The following PEX5L variants were observed in gnomAD, a reference collection of about 807,000 sequenced individuals.
PEX5L encodes the protein peroxisomal biogenesis factor 5 like.
In PEX5L, 30 loss-of-function variants were observed where a neutral mutation model predicts 84.0. The ratio of observed to expected loss-of-function variants is 0.36; its 90% CI spans 0.27 to 0.48. The LOEUF (loss-of-function observed/expected upper bound fraction) is 0.48. Among genes scored for constraint, PEX5L ranks in the 20% least tolerant of loss-of-function variants. The probability of loss-of-function intolerance (pLI) is 0.99; values close to 1 mark genes in which losing one functional copy is unlikely to be tolerated. For missense variants in PEX5L, 533 were observed against 754.6 expected (o/e 0.71, Z 3.44); for synonymous variants, 270 against 283.1 (o/e 0.95, Z 0.46).
At chr3:179,952,571 A>T (rs1312892150) in intron 2 of PEX5L, among the ~76,000 whole-genome samples, 1 of 152,212 alleles carries the variant, frequency 6.6e-6, no homozygotes. Context: ...TTTAGGGAGA[A>T]CCATAAACTA....
At chr3:179,965,027 A>T (rs1782991087) in intron 2 of PEX5L, among the ~76,000 whole-genome samples, 1 of 152,194 alleles carries the variant, frequency 6.6e-6, no homozygotes, top group Non-Finnish European at 1.5e-5. Flanking sequence ...GACTGTAAAG[A>T]CCTTGCTCTT....
intron 8 of PEX5L, among the ~76,000 whole-genome samples, chr3:179,832,577 AACCT>A (rs1389666934): frequency 3.9e-5 from 4 of 102,078 alleles, no homozygotes; most frequent in Admixed American, 1.0e-4. Context: ...CCTACCCACC[AACCT>A]ACCTACTTAC....
At chr3:180,008,128 C>T (rs1262107418) in intron 1 of PEX5L, among the ~76,000 whole-genome samples, 2 of 152,182 alleles carry the variant, frequency 1.3e-5, no homozygotes, top group African/African-American at 4.8e-5. Context: ...TTTAACAGAA[C>T]CCAAGTTACC....
intron 2 of PEX5L, among the ~76,000 whole-genome samples, chr3:179,927,688 C>A (rs1053719527): frequency 6.6e-6 from 1 of 152,060 alleles, no homozygotes; most frequent in Non-Finnish European, 1.5e-5. Context: ...AATCATCAAT[C>A]TGCAAGGAAT....
At chr3:179,904,424 T>C (rs1184938267) in intron 2 of PEX5L, among the ~76,000 whole-genome samples, 1 of 152,150 alleles carries the variant, frequency 6.6e-6, no homozygotes, top group African/African-American at 2.4e-5. Context: ...GAGAAAGTCA[T>C]GGATACCAAT....
At chr3:179,903,537 T>C (rs1364931992) in intron 2 of PEX5L, among the ~76,000 whole-genome samples, 1 of 152,160 alleles carries the variant, frequency 6.6e-6, no homozygotes, top group African/African-American at 2.4e-5. Flanking sequence ...GCACGGTCTT[T>C]AGTTTTGCAT....
At chr3:179,826,213 CAG>C (rs1218689578) in intron 8 of PEX5L, among the ~76,000 whole-genome samples, 3 of 152,164 alleles carry the variant, frequency 2.0e-5, no homozygotes, top group African/African-American at 7.2e-5. Flanking sequence ...CCATTTCTAA[CAG>C]AGGAAATCCT....
intron 3 of PEX5L, among the ~76,000 whole-genome samples, chr3:179,894,650 A>AAT (rs1294825078): frequency 6.6e-6 from 1 of 152,182 alleles, no homozygotes; most frequent in Non-Finnish European, 1.5e-5. Flanking sequence ...ACTTACTAGC[A>AAT]GCCTTGAAAA....
In PEX5L at chr3:179,974,673, TGTTA is replaced by T. The variant is rs1327348360; in HGVS notation, c.22-3012_22-3009del. 2.0e-5 allele frequency among the ~76,000 whole-genome samples: 3 copies of T among 152,204 alleles called. No individual in the cohort carries two copies. In the East Asian group the frequency reaches 5.8e-4, roughly 29 times the overall value. ...TTCTGACCTGCAAGAGACGTATCTTTGTTAGTTCTTTGTTAATGCTGATAACTTT... is the reference window on the plus strand; with the variant it reads ...TTCTGACCTGCAAGAGACGTATCTTTGTTCTTTGTTAATGCTGATAACTTT... On this transcript the variant is annotated intron_variant, in intron 1 of 14. Transcript: ENST00000467460.
chr3:179,841,716 C>T (rs1477001010), intron 8 of PEX5L, among the ~76,000 whole-genome samples: 2 of 152,190 alleles, frequency 1.3e-5, no homozygotes, highest in Non-Finnish European at 1.5e-5. Context: ...ATATGTAGTA[C>T]ACTCAGATTC....
At chr3:179,812,314 G>T (rs1364535271) in intron 10 of PEX5L, among the ~76,000 whole-genome samples, 4 of 152,098 alleles carry the variant, frequency 2.6e-5, no homozygotes, top group African/African-American at 9.7e-5. Flanking sequence ...CTTACTAGAA[G>T]AATTCACAGG....
Position 179,848,742 on chromosome 3 carries a change from C to T in PEX5L, c.822+10320G>A, listed in dbSNP as rs140297526. 2.0e-5 allele frequency among the ~76,000 whole-genome samples: 3 copies of T among 152,106 alleles called. No homozygotes were observed. In the South Asian group the frequency reaches 6.2e-4, roughly 32 times the overall value. ...TACTCATTGCCAATCAAAATGCCCT[C>T]AAATTGTGGTAATTGAATGGTGGCC... On this transcript the variant is annotated intron_variant, in intron 8 of 14. Coordinates refer to ENST00000467460, the MANE Select transcript of PEX5L (RefSeq NM_016559.3).
chr3:179,859,355 G>A (rs1219663746), intron 7 of PEX5L, among the ~76,000 whole-genome samples, 198 bp from the exon 8 acceptor site: 1 of 152,138 alleles, frequency 6.6e-6, no homozygotes, highest in Admixed American at 6.5e-5. Flanking sequence ...GCATGCATGC[G>A]TGATTCTTCC....
chr3:180,019,966 G>A (rs1033461654), intron 1 of PEX5L, among the ~76,000 whole-genome samples: 1 of 152,144 alleles, frequency 6.6e-6, no homozygotes, highest in Non-Finnish European at 1.5e-5. Context: ...GCTTCTTAAC[G>A]AATTAATGTA....
intron 8 of PEX5L, among the ~76,000 whole-genome samples, chr3:179,846,550 G>A (rs1739437457): frequency 6.6e-6 from 1 of 152,138 alleles, no homozygotes; most frequent in Non-Finnish European, 1.5e-5. Context: ...GGAGTGCTGA[G>A]GTATTTGCTT....
At chr3:179,986,595 G>A (rs1436612324) in intron 1 of PEX5L, among the ~76,000 whole-genome samples, 3 of 151,856 alleles carry the variant, frequency 2.0e-5, no homozygotes, top group Admixed American at 2.0e-4. Context: ...GTAGAGACGG[G>A]GTTTCACCGT....
intron 1 of PEX5L, among the ~76,000 whole-genome samples, chr3:180,003,012 G>A (rs751500181): frequency 2.0e-5 from 3 of 152,080 alleles, no homozygotes; most frequent in Non-Finnish European, 4.4e-5. Context: ...GATTATAGAT[G>A]AGACCAAGGA....
intron 2 of PEX5L, among the ~76,000 whole-genome samples, chr3:179,942,399 G>A (rs1378179208): frequency 6.6e-6 from 1 of 152,250 alleles, no homozygotes; most frequent in African/African-American, 2.4e-5. Flanking sequence ...AGTTGCCAGA[G>A]CAATGACAAC....
At chr3:180,008,382 C>A (rs1388416335) in intron 1 of PEX5L, among the ~76,000 whole-genome samples, 1 of 152,238 alleles carries the variant, frequency 6.6e-6, no homozygotes, top group Non-Finnish European at 1.5e-5. Flanking sequence ...AGCCATTCAA[C>A]AAGTCTCTAG....
Sources: allele counts gnomAD v4.1 joint callset (sites outside exome capture counted in the v4.1 genomes callset), GRCh38; gene constraint gnomAD v4.1.1; transcripts MANE v1.5; gene names NCBI Gene and HGNC (gene_info 2026-07-23, HGNC 2026-07-21).